Variants in ADAMTSL1 observed in about 807,000 individuals in gnomAD.
ADAMTSL1 encodes ADAMTS-like protein 1.
A neutral mutation model predicts 201.8 loss-of-function variants in ADAMTSL1; 126 were observed. That is an observed-to-expected ratio of 0.62 (90% CI 0.54 to 0.72). The LOEUF is 0.72. Among genes scored for constraint, ADAMTSL1 ranks in the 30% least tolerant of loss-of-function variants. The pLI is 0.00. For missense variants in ADAMTSL1, 2,679 were observed against 2,277.8 expected, an observed-to-expected ratio of 1.18 and a Z score of -3.59; for synonymous variants, 1,121 against 903.4, an observed-to-expected ratio of 1.24 and a Z score of -4.32.
At chr9:18,152,030 AT>A (rs1390979491) in intron 1 of ADAMTSL1, among the ~76,000 whole-genome samples, 1 of 152,110 alleles carries the variant, frequency 6.6e-6, no homozygotes, top group Non-Finnish European at 1.5e-5. Flanking sequence ...TCTGTATAGC[AT>A]TTTATAGTTT....
intron 1 of ADAMTSL1, among the ~76,000 whole-genome samples, chr9:18,118,519 G>A (rs1825360773): frequency 6.6e-6 from 1 of 152,112 alleles, no homozygotes; most frequent in Admixed American, 6.6e-5. Context: ...GATCTGATTG[G>A]TATGCTCACA....
intron 2 of ADAMTSL1, among the ~76,000 whole-genome samples, chr9:18,506,527 G>A (rs1817669108): frequency 6.6e-6 from 1 of 151,944 alleles, no homozygotes; most frequent in South Asian, 2.1e-4. Flanking sequence ...AGCAATTTAG[G>A]GAATACATTA....
At chr9:18,209,054 G>T (rs1829763716) in intron 2 of ADAMTSL1, among the ~76,000 whole-genome samples, 1 of 152,136 alleles carries the variant, frequency 6.6e-6, no homozygotes, top group South Asian at 2.1e-4. Flanking sequence ...TTTACCATTT[G>T]TAATTTAGGT....
chr9:18,842,416 T>A (rs1825780416), intron 23 of ADAMTSL1, among the ~76,000 whole-genome samples: 1 of 152,228 alleles, frequency 6.6e-6, no homozygotes, highest in African/African-American at 2.4e-5. Context: ...TTTGTTATAA[T>A]TTCTGTTCTT....
rs200840856 is a variant in ADAMTSL1 at position 18,537,492 on chromosome 9, G to GA, written c.237+4206dup. 2.8e-4 allele frequency among the ~76,000 whole-genome samples: 42 copies of GA among 152,236 alleles called. 1 individual carries two copies. The East Asian group carries it at 7.9e-3, about 29-fold the overall frequency. ...CAAGAGGAAGAGTATTGGAAGATAA[G>GA]AAAAAATCAAAACCAGAGGTAGGTG... On this transcript the variant is annotated intron_variant, in intron 3 of 28. Coordinates refer to ENST00000380548, the MANE Select transcript of ADAMTSL1 (RefSeq NM_001040272.6).
At chr9:17,932,390 G>GA (rs1350525375) in intron 1 of ADAMTSL1, among the ~76,000 whole-genome samples, 3 of 151,934 alleles carry the variant, frequency 2.0e-5, no homozygotes, top group East Asian at 3.9e-4. Context: ...TTTCGAGGAG[G>GA]AAAAAAGGGA....
At chr9:18,848,530 A>C (rs1415973128) in intron 23 of ADAMTSL1, among the ~76,000 whole-genome samples, 1 of 152,044 alleles carries the variant, frequency 6.6e-6, no homozygotes, top group Non-Finnish European at 1.5e-5. Flanking sequence ...CTTGAGCCTC[A>C]TGTAACTTCC....
chr9:18,482,667 T>C (rs1206459190), intron 1 of ADAMTSL1, among the ~76,000 whole-genome samples: 1 of 152,246 alleles, frequency 6.6e-6, no homozygotes, highest in Non-Finnish European at 1.5e-5. Flanking sequence ...TAGTAAGGTA[T>C]GGTAGGGTAT....
Position 18,908,551 on chromosome 9 carries a change from A to C in ADAMTSL1, c.*3A>C. The C allele has an allele frequency of 6.4e-7, 1 of 1,557,178 alleles. No homozygotes were observed. Among genetic ancestry groups the C allele is most frequent in the Non-Finnish European group, 8.7e-7 (1 of 1,150,188 alleles). On this transcript the variant is annotated 3_prime_UTR_variant, in exon 29 of 29. Transcript: ENST00000380548. Reference sequence around the variant, plus strand: ...GTGGAACTTGTGGCAAAGCGTGAAGATAGGGTGTGGGGAAAAACTCTACCC... The same window carrying C: ...GTGGAACTTGTGGCAAAGCGTGAAGCTAGGGTGTGGGGAAAAACTCTACCC...
intron 25 of ADAMTSL1, among the ~76,000 whole-genome samples, chr9:18,892,115 C>T (rs1420551976): frequency 2.0e-5 from 3 of 152,216 alleles, no homozygotes; most frequent in Non-Finnish European, 4.4e-5. Flanking sequence ...GCATTTAGGG[C>T]CCAGCCAGAT....
chr9:18,553,340 TC>T (rs1820908498), intron 3 of ADAMTSL1, among the ~76,000 whole-genome samples: 1 of 151,520 alleles, frequency 6.6e-6, no homozygotes, highest in African/African-American at 2.4e-5. Context: ...ATAGTATTTA[TC>T]CCCACCTATC....
intron 12 of ADAMTSL1, among the ~76,000 whole-genome samples, chr9:18,682,633 A>G (rs985869011): frequency 3.5e-4 from 53 of 152,218 alleles, no homozygotes; most frequent in Non-Finnish European, 7.3e-4. Flanking sequence ...AATGGAAAAG[A>G]AAAATTCAAA....
chr9:18,019,861 T>G (rs1200364104), intron 1 of ADAMTSL1, among the ~76,000 whole-genome samples: 1 of 152,096 alleles, frequency 6.6e-6, no homozygotes, highest in East Asian at 1.9e-4. Context: ...CTGGAGGGCA[T>G]AGCTGAGAGT....
intron 2 of ADAMTSL1, among the ~76,000 whole-genome samples, chr9:18,374,625 C>T (rs568507822): frequency 5.9e-5 from 9 of 152,294 alleles, no homozygotes; most frequent in East Asian, 1.9e-4. Flanking sequence ...TGAGTTACCA[C>T]GCTTGGCCTG....
At chr9:18,069,042 C>A (rs566091839) in intron 1 of ADAMTSL1, among the ~76,000 whole-genome samples, 1 of 152,128 alleles carries the variant, frequency 6.6e-6, no homozygotes, top group South Asian at 2.1e-4. Flanking sequence ...CAGGAAGATA[C>A]AAGGAAGAAT....
At chr9:18,529,174 C>T (rs1333615400) in intron 2 of ADAMTSL1, among the ~76,000 whole-genome samples, 1 of 152,146 alleles carries the variant, frequency 6.6e-6, no homozygotes, top group Non-Finnish European at 1.5e-5. Flanking sequence ...CTTCTCTGCA[C>T]TGAAGTTCTT....
At chr9:18,151,167 G>A (rs1826893552) in intron 1 of ADAMTSL1, among the ~76,000 whole-genome samples, 1 of 151,996 alleles carries the variant, frequency 6.6e-6, no homozygotes, top group Non-Finnish European at 1.5e-5. Flanking sequence ...TGACCTTAAT[G>A]CATGATCAAA....
chr9:18,429,857 T>C (rs1819404705), intron 2 of ADAMTSL1, among the ~76,000 whole-genome samples: 1 of 152,148 alleles, frequency 6.6e-6, no homozygotes, highest in South Asian at 2.1e-4. Flanking sequence ...TGGTGCTATG[T>C]CGGCTCACTG....
intron 1 of ADAMTSL1, among the ~76,000 whole-genome samples, chr9:17,982,168 A>G (rs945524748): frequency 6.6e-6 from 1 of 152,188 alleles, no homozygotes; most frequent in African/African-American, 2.4e-5. Flanking sequence ...TTCCAGTTAT[A>G]CACATCTTAT....
Sources: allele counts gnomAD v4.1 joint callset (sites outside exome capture counted in the v4.1 genomes callset), GRCh38; gene constraint gnomAD v4.1.1; transcripts MANE v1.5; gene names NCBI Gene and HGNC (gene_info 2026-07-23, HGNC 2026-07-21).